Variants in ZNF608 observed in about 807,000 individuals in gnomAD.
ZNF608 encodes the protein zinc finger protein 608.
In ZNF608, 12 loss-of-function variants were observed where a neutral mutation model predicts 109.0. The observed-to-expected ratio is 0.11, with a 90% CI of 0.07 to 0.18. The LOEUF (loss-of-function observed/expected upper bound fraction) is 0.18. ZNF608 is among the 10% of genes least tolerant of loss of function. The pLI is 1.00. For synonymous variants in ZNF608, 732 were observed against 717.4 expected (o/e 1.02, Z -0.33); for missense variants, 1,707 against 1,879.3 (o/e 0.91, Z 1.70).
chr5:124,652,664 A>C (rs1177706774), intron 3 of ZNF608, among the ~76,000 whole-genome samples: 2 of 152,190 alleles, frequency 1.3e-5, no homozygotes. Flanking sequence ...TTTAGACAAC[A>C]CCCCATTGTG....
chr5:124,656,280 C>T (rs1331810452), intron 3 of ZNF608, among the ~76,000 whole-genome samples: 1 of 152,168 alleles, frequency 6.6e-6, no homozygotes, highest in Non-Finnish European at 1.5e-5. Flanking sequence ...CAGAGACACA[C>T]TGCTCTGGTG....
intron 3 of ZNF608, among the ~76,000 whole-genome samples, chr5:124,679,694 CT>C (rs1752114321): frequency 6.6e-6 from 1 of 152,126 alleles, no homozygotes; most frequent in Non-Finnish European, 1.5e-5. Flanking sequence ...AGAAGAAAAA[CT>C]TGAAAATACA....
intron 2 of ZNF608, among the ~76,000 whole-genome samples, chr5:124,704,839 C>T (rs1753195081): frequency 6.6e-6 from 1 of 151,872 alleles, no homozygotes; most frequent in Admixed American, 6.6e-5. Context: ...AAACTGTGGC[C>T]CATATTTGTA....
At chr5:124,680,972 AAAG>A (rs1314958174) in intron 3 of ZNF608, among the ~76,000 whole-genome samples, 2 of 152,362 alleles carry the variant, frequency 1.3e-5, no homozygotes, top group African/African-American at 2.4e-5. Context: ...GAGTTTTGAA[AAAG>A]AAGGAGAAAG....
At chr5:124,661,302 C>G (rs1751245677) in intron 3 of ZNF608, among the ~76,000 whole-genome samples, 1 of 152,112 alleles carries the variant, frequency 6.6e-6, no homozygotes, top group East Asian at 1.9e-4. Flanking sequence ...CTCCCCAGTA[C>G]CGTGACAACA....
chr5:124,686,753 A>G (rs1246500603), intron 3 of ZNF608, among the ~76,000 whole-genome samples: 1 of 152,234 alleles, frequency 6.6e-6, no homozygotes, highest in Non-Finnish European at 1.5e-5. Context: ...GAGTTACTTC[A>G]AAAGTTGTCT....
intron 7 of ZNF608, among the ~76,000 whole-genome samples, chr5:124,643,139 TA>T (rs1454906269): frequency 1.3e-5 from 2 of 152,214 alleles, no homozygotes. Flanking sequence ...CTGAACTACT[TA>T]CTTACCAAAA....
chr5:124,721,963 A>AAAAAAAAAAAAAAAAAAAAAAAAAAAAC, intron 2 of ZNF608, among the ~76,000 whole-genome samples: 1 of 146,034 alleles, frequency 6.8e-6, no homozygotes, highest in Non-Finnish European at 1.5e-5. Flanking sequence ...AAAAAAAAAA[A>AAAAAAAAAAAAAAAAAAAAAAAAAAAAC]AAAAAAAAAG....
chr5:124,693,329 C>T (rs931799781), intron 3 of ZNF608, among the ~76,000 whole-genome samples: 1 of 152,112 alleles, frequency 6.6e-6, no homozygotes, highest in Non-Finnish European at 1.5e-5. Flanking sequence ...TTAAGACACT[C>T]AAGATTTTCT....
At chr5:124,657,682 CA>C (rs1446323141) in intron 3 of ZNF608, among the ~76,000 whole-genome samples, 1 of 151,762 alleles carries the variant, frequency 6.6e-6, no homozygotes, top group Non-Finnish European at 1.5e-5. Flanking sequence ...CTCAAAAAAA[CA>C]AACAAACAAA....
chr5:124,660,193 T>TGTGA (rs1554084199), intron 3 of ZNF608, among the ~76,000 whole-genome samples: 6 of 128,798 alleles, frequency 4.7e-5, no homozygotes, highest in South Asian at 2.5e-4. Flanking sequence ...TGTGTGTGTG[T>TGTGA]GAGAGAGAGA....
chr5:124,726,912 A>T (rs1395119338), intron 2 of ZNF608, among the ~76,000 whole-genome samples: 1 of 152,228 alleles, frequency 6.6e-6, no homozygotes, highest in East Asian at 1.9e-4. Context: ...ACAAAAAAAA[A>T]GTGCAAACAT....
At chr5:124,709,198 A>AAAAAC (rs5871101) in intron 2 of ZNF608, among the ~76,000 whole-genome samples, 1 of 149,620 alleles carries the variant, frequency 6.7e-6, no homozygotes, top group East Asian at 2.0e-4. Context: ...AAAAAAAAAA[A>AAAAAC]TCTGGGTTCT....
chr5:124,733,423 T>C (rs1408229131), intron 2 of ZNF608, among the ~76,000 whole-genome samples: 1 of 151,800 alleles, frequency 6.6e-6, no homozygotes, highest in Admixed American at 6.6e-5. Context: ...GTGTAGTCTC[T>C]CCCCAAACAA....
intron 3 of ZNF608, among the ~76,000 whole-genome samples, chr5:124,686,017 G>A (rs776324177): frequency 1.4e-4 from 21 of 152,174 alleles, no homozygotes; most frequent in Non-Finnish European, 2.6e-4. Flanking sequence ...AGCTAAGGAG[G>A]ACTGGTATGG....
chr5:124,677,398 AAC>A (rs1311841243), intron 3 of ZNF608, among the ~76,000 whole-genome samples: 2 of 152,214 alleles, frequency 1.3e-5, no homozygotes, highest in Non-Finnish European at 2.9e-5. Context: ...TCTTCAACTG[AAC>A]ACACAGTCTA....
intron 2 of ZNF608, among the ~76,000 whole-genome samples, chr5:124,723,530 G>A (rs1233265391): frequency 6.6e-6 from 1 of 152,072 alleles, no homozygotes; most frequent in Non-Finnish European, 1.5e-5. Context: ...TCTACTAGAA[G>A]TACAAAAATT....
In ZNF608 at chr5:124,648,034, G is replaced by A; in HGVS notation, c.2350C>T (p.Pro784Ser). ...TVVQATPKSP[P>S]LKPIQPKPTI... Reference sequence around the variant, plus strand: ...GGCTTTGGTTGAATGGGTTTTAACGGAGGACTCTTTGGTGTAGCCTGAACA... The same window carrying A: ...GGCTTTGGTTGAATGGGTTTTAACGAAGGACTCTTTGGTGTAGCCTGAACA... The change falls in exon 5 of 10, where the codon CCG (proline) becomes TCG (serine). Residue 784 changes from proline (P) to serine (S), a missense_variant. Coordinates refer to ENST00000513986, the MANE Select transcript of ZNF608 (RefSeq NM_020747.3). The A allele has an allele frequency of 6.2e-7, 1 of 1,614,190 alleles. No individual in the cohort carries two copies. Among genetic ancestry groups the A allele is most frequent in the Non-Finnish European group, 8.5e-7 (1 of 1,180,038 alleles).
intron 2 of ZNF608, among the ~76,000 whole-genome samples, chr5:124,739,024 G>A (rs541256776): frequency 1.5e-3 from 227 of 152,322 alleles, no homozygotes; most frequent in Non-Finnish European, 2.5e-3. Flanking sequence ...ATTATCAAGG[G>A]CCTCTTAGGA....
Sources: gnomAD v4.1 joint callset for allele counts (sites outside exome capture counted in the v4.1 genomes callset) on GRCh38, gnomAD v4.1.1 for gene constraint, MANE v1.5 for transcripts, NCBI Gene and HGNC (gene_info 2026-07-23, HGNC 2026-07-21) for gene names.